Variants in CMIP observed in about 807,000 individuals in gnomAD.
The protein encoded by CMIP is C-Maf-inducing protein.
CMIP carries 13 observed loss-of-function variants against 97.3 expected under a neutral mutation model. That is an observed-to-expected ratio of 0.13 (90% CI 0.09 to 0.21). CMIP has a LOEUF of 0.21. CMIP is among the 10% of genes least tolerant of loss of function. The pLI, the probability that CMIP is intolerant of heterozygous loss-of-function variation, is 1.00. For synonymous variants in CMIP, 538 were observed against 436.3 expected (o/e 1.23, Z -2.91); for missense variants, 847 against 1,024.9 (o/e 0.83, Z 2.37).
At chr16:81,577,622 A>G (rs1190272441) in intron 1 of CMIP, among the ~76,000 whole-genome samples, 3 of 149,558 alleles carry the variant, frequency 2.0e-5, no homozygotes, top group East Asian at 2.0e-4. Context: ...TATTATCACT[A>G]TCACCATCAC....
At chr16:81,499,871 G>A (rs2089563985) in intron 1 of CMIP, among the ~76,000 whole-genome samples, 1 of 152,248 alleles carries the variant, frequency 6.6e-6, no homozygotes, top group Non-Finnish European at 1.5e-5. Context: ...TGTCAGCCCG[G>A]GCGAGACTCT....
chr16:81,650,974 T>C (rs1407213987), intron 3 of CMIP, among the ~76,000 whole-genome samples: 1 of 152,074 alleles, frequency 6.6e-6, no homozygotes, highest in Non-Finnish European at 1.5e-5. Context: ...TAGCGGTGGG[T>C]CCCTTGACCA....
chr16:81,552,418 C>T (rs534661950), intron 1 of CMIP, among the ~76,000 whole-genome samples: 1 of 152,234 alleles, frequency 6.6e-6, no homozygotes, highest in Admixed American at 6.5e-5. Flanking sequence ...AAACAGATCC[C>T]CCTGGGCTAT....
intron 2 of CMIP, among the ~76,000 whole-genome samples, chr16:81,613,015 T>C (rs185906287): frequency 7.9e-4 from 121 of 152,308 alleles, no homozygotes; most frequent in Non-Finnish European, 1.4e-3. Flanking sequence ...TGGTCAGCTT[T>C]CCCTTTGCTT....
At chr16:81,656,915 T>A (rs1420111171) in intron 4 of CMIP, among the ~76,000 whole-genome samples, 2 of 152,154 alleles carry the variant, frequency 1.3e-5, no homozygotes, top group African/African-American at 4.8e-5. Context: ...GGAGCCACCA[T>A]GCCTGGCCAA....
At chr16:81,514,661 A>G (rs2089877610) in intron 1 of CMIP, among the ~76,000 whole-genome samples, 1 of 152,108 alleles carries the variant, frequency 6.6e-6, no homozygotes, top group Non-Finnish European at 1.5e-5. Flanking sequence ...AGAGCCCAGG[A>G]GAAGGTCATG....
Position 81,699,667 on chromosome 16 carries a change from G to T in CMIP, c.1639-18G>T, listed in dbSNP as rs1217115147. The stretch of plus-strand genomic sequence containing the variant: ...CTGGGTGTCTCTGTCCCTTCACCTG[G>T]GCCTTCTTGCCTCACAGGTGCACAT... On this transcript the variant is annotated intron_variant, in intron 14 of 20. Transcript: ENST00000537098. 2 of 1,540,304 alleles carry T rather than the reference G, an allele frequency of 1.3e-6. No homozygotes were observed. Among genetic ancestry groups the T allele is most frequent in the Non-Finnish European group, 9.0e-7 (1 of 1,114,756 alleles).
At chr16:81,695,004 A>T (rs2317497) in intron 13 of CMIP, among the ~76,000 whole-genome samples, 38,960 of 152,174 alleles carry the variant, frequency 0.26, 5,081 homozygotes, top group African/African-American at 0.29. Flanking sequence ...ACTGAGCCTT[A>T]ATTCAAACCC....
At chr16:81,566,611 A>G (rs188648866) in intron 1 of CMIP, among the ~76,000 whole-genome samples, 3 of 152,204 alleles carry the variant, frequency 2.0e-5, no homozygotes, top group Non-Finnish European at 4.4e-5. Flanking sequence ...TAATGCATTC[A>G]TTCCTGCTTC....
chr16:81,486,528 C>T (rs1190444934), intron 1 of CMIP, among the ~76,000 whole-genome samples: 2 of 152,184 alleles, frequency 1.3e-5, no homozygotes, highest in East Asian at 3.9e-4. Flanking sequence ...CAGGGCCGGG[C>T]CACTTTGCAC....
At chr16:81,680,540 G>A (rs1597241355) in intron 10 of CMIP, among the ~76,000 whole-genome samples, 1 of 152,342 alleles carries the variant, frequency 6.6e-6, no homozygotes, top group East Asian at 1.9e-4. Flanking sequence ...GTGTGCCCAG[G>A]GGTTCAGGAC....
intron 1 of CMIP, among the ~76,000 whole-genome samples, chr16:81,539,211 T>C (rs2100874): frequency 6.6e-6 from 1 of 152,218 alleles, no homozygotes; most frequent in African/African-American, 2.4e-5. Flanking sequence ...GCAGGGATTT[T>C]CCAGGCCGGC....
intron 5 of CMIP, among the ~76,000 whole-genome samples, chr16:81,659,902 C>G (rs938983711): frequency 1.3e-5 from 2 of 152,226 alleles, no homozygotes; most frequent in Admixed American, 6.5e-5. Flanking sequence ...TTGCTGTTGT[C>G]ATTATTATGA....
At chr16:81,707,769 C>T (rs746844971) in intron 20 of CMIP, among the ~76,000 whole-genome samples, 3 of 152,256 alleles carry the variant, frequency 2.0e-5, no homozygotes, top group Non-Finnish European at 4.4e-5. Flanking sequence ...GTCACCCCGT[C>T]CTCCTGGGCC....
intron 1 of CMIP, among the ~76,000 whole-genome samples, chr16:81,475,230 G>A (rs1450062438): frequency 6.6e-6 from 1 of 152,052 alleles, no homozygotes; most frequent in Non-Finnish European, 1.5e-5. Flanking sequence ...AGATAAAGTT[G>A]ACATGCAATA....
chr16:81,476,728 G>A (rs929784719), intron 1 of CMIP, among the ~76,000 whole-genome samples: 2 of 152,182 alleles, frequency 1.3e-5, no homozygotes, highest in African/African-American at 4.8e-5. Context: ...CTTCTAGATT[G>A]CTTCTAGATT....
At chr16:81,481,826 C>T (rs2089228316) in intron 1 of CMIP, among the ~76,000 whole-genome samples, 2 of 151,750 alleles carry the variant, frequency 1.3e-5, no homozygotes, top group South Asian at 4.2e-4. Flanking sequence ...AGCATCACTC[C>T]AACCTCTGCT....
intron 1 of CMIP, among the ~76,000 whole-genome samples, chr16:81,477,595 GCTCCTGCATGTAAGA>G (rs1908005810): frequency 6.6e-6 from 1 of 152,230 alleles, no homozygotes; most frequent in South Asian, 2.1e-4. Flanking sequence ...AGAACTCCTT[GCTCCTGCATGTAAGA>G]CTCCGGGATC....
intron 1 of CMIP, among the ~76,000 whole-genome samples, chr16:81,521,018 C>G (rs1231984231): frequency 6.6e-6 from 1 of 152,212 alleles, no homozygotes; most frequent in Non-Finnish European, 1.5e-5. Context: ...CTGGGCTCTT[C>G]ACTGATGCAT....
Sources: allele counts gnomAD v4.1 joint callset (sites outside exome capture counted in the v4.1 genomes callset), GRCh38; gene constraint gnomAD v4.1.1; transcripts MANE v1.5; gene names NCBI Gene and HGNC (gene_info 2026-07-23, HGNC 2026-07-21).